The following COL4A1 variants were observed in gnomAD, a reference collection of about 807,000 sequenced individuals.
COL4A1 encodes collagen type IV alpha 1 chain, also known as collagen alpha-1(IV) chain.
In COL4A1, 40 loss-of-function variants were observed where a neutral mutation model predicts 216.6. That is an observed-to-expected ratio of 0.18 (90% CI 0.14 to 0.24). The LOEUF (loss-of-function observed/expected upper bound fraction) is 0.24, where lower values mean the gene tolerates loss of function less well. Among genes scored for constraint, COL4A1 ranks in the 10% least tolerant of loss-of-function variants. The pLI is 1.00. For synonymous variants in COL4A1, 839 were observed against 810.7 expected (o/e 1.03, Z -0.59); for missense variants, 1,628 against 2,196.8 (o/e 0.74, Z 5.18).
chr13:110,155,269 C>T lies in COL4A1; in HGVS notation c.4755+14G>A. 6.3e-7 allele frequency: 1 copy of T among 1,597,988 alleles called. No homozygotes were observed. The highest frequency in any genetic ancestry group is 8.6e-7 in the Non-Finnish European group (1 of 1,165,222). ...GCTCTTCCCGGGAAATATGGCGTCT[C>T]CCCAGACACTTACCATCACAAAAGA... On this transcript the variant is annotated intron_variant, in intron 50 of 51. Coordinates refer to ENST00000375820, the MANE Select transcript of COL4A1 (RefSeq NM_001845.6).
chr13:110,256,151 A>T (rs1345543198), intron 1 of COL4A1, among the ~76,000 whole-genome samples: 1 of 152,126 alleles, frequency 6.6e-6, no homozygotes, highest in East Asian at 1.9e-4. Context: ...CTCCCCATGA[A>T]ATCTCCGGCT....
chr13:110,293,789 T>G (rs915543646), intron 1 of COL4A1, among the ~76,000 whole-genome samples: 2 of 152,208 alleles, frequency 1.3e-5, no homozygotes, highest in Non-Finnish European at 2.9e-5. Context: ...TTTCCCTTAT[T>G]AACAGCGTGT....
rs192343667 is a variant in COL4A1 at position 110,160,991 on chromosome 13, G to A, written c.4640+201C>T. 5.2e-4 allele frequency: 334 copies of A among 648,116 alleles called. 1 individual carries two copies. Among genetic ancestry groups the A allele is most frequent in the Middle Eastern group, 1.3e-3 (3 of 2,304 alleles). The allele number at this position is 648,116 out of a possible 1,614,324, so 40.1% of individuals were successfully genotyped here. A position where few individuals can be genotyped will look rare whatever the true frequency, so the allele number is the denominator to read the frequency against. ...CCCAAAGTGTTGGGATTACGGGCAT[G>A]AGCCACTGTGCCCAGCCAACTGACT... is the stretch of plus-strand genomic sequence containing the variant. On this transcript the variant is annotated intron_variant, in intron 49 of 51. Transcript: ENST00000375820.
chr13:110,174,117 GT>G, intron 39 of COL4A1, 119 bp from the exon 40 acceptor site: 1 of 1,137,250 alleles, frequency 8.8e-7, no homozygotes, highest in South Asian at 1.3e-5. Flanking sequence ...AGCACACCTG[GT>G]TTTCCTGAGG....
rs192101507 is a variant in COL4A1, at chr13:110,202,277, C to G, written c.1000-755G>C. On this transcript the variant is annotated intron_variant, in intron 18 of 51. Transcript: ENST00000375820. Reference sequence around the variant, plus strand: ...AAAAAAGTAGGCGCTTCCTTAAGGTCGCAAGACAAGAAGAGGCACTTTCGG... The same window carrying G: ...AAAAAAGTAGGCGCTTCCTTAAGGTGGCAAGACAAGAAGAGGCACTTTCGG... 5.5e-3 allele frequency among the ~76,000 whole-genome samples: 821 copies of G among 150,538 alleles called. 8 individuals carry two copies. Among genetic ancestry groups the G allele is most frequent in the African/African-American group, 0.018 (756 of 40,932 alleles).
Position 110,281,989 on chromosome 13 carries a change from G to A in COL4A1, c.84+24955C>T, listed in dbSNP as rs141030838. Reference sequence around the variant, plus strand: ...AGCTCCCTTCAGTTTTCCTGGCTGCGTGTCCTCGCCTCACCTTAGGGCCTG... The same window carrying A: ...AGCTCCCTTCAGTTTTCCTGGCTGCATGTCCTCGCCTCACCTTAGGGCCTG... On this transcript the variant is annotated intron_variant, in intron 1 of 51. Transcript: ENST00000375820. Among the ~76,000 whole-genome samples, 74 of 152,248 alleles carry A rather than the reference G, an allele frequency of 4.9e-4. 1 individual carries two copies. In the East Asian group the frequency reaches 0.012, roughly 25 times the overall value.
chr13:110,269,583 T>A (rs1883167672), intron 1 of COL4A1, among the ~76,000 whole-genome samples: 1 of 152,054 alleles, frequency 6.6e-6, no homozygotes, highest in African/African-American at 2.4e-5. Context: ...ACTAGGCATA[T>A]AAAAGTTAAG....
chr13:110,256,744 C>CGGG (rs67359604), intron 1 of COL4A1, among the ~76,000 whole-genome samples: 20 of 151,926 alleles, frequency 1.3e-4, no homozygotes, highest in African/African-American at 4.4e-4. Flanking sequence ...AGACCGGCGG[C>CGGG]GGGGGGGTCT....
At chr13:110,289,758 T>C (rs1037109398) in intron 1 of COL4A1, among the ~76,000 whole-genome samples, 2 of 152,184 alleles carry the variant, frequency 1.3e-5, no homozygotes. Context: ...TCCTGATGCA[T>C]GGAAAACTCA....
intron 1 of COL4A1, among the ~76,000 whole-genome samples, chr13:110,291,127 G>A (rs1036807972): frequency 6.6e-6 from 1 of 152,188 alleles, no homozygotes; most frequent in Non-Finnish European, 1.5e-5. Context: ...GAACACTGGG[G>A]CTTCCCCTCC....
chr13:110,277,961 T>G (rs1883489325), intron 1 of COL4A1, among the ~76,000 whole-genome samples: 1 of 152,236 alleles, frequency 6.6e-6, no homozygotes, highest in Non-Finnish European at 1.5e-5. Context: ...GATGAAAGTT[T>G]CTAAAAAATT....
chr13:110,253,616 A>G (rs1360358107), intron 1 of COL4A1, among the ~76,000 whole-genome samples: 1 of 144,966 alleles, frequency 6.9e-6, no homozygotes, highest in East Asian at 2.0e-4. Context: ...TGTATTACAT[A>G]TACTTATAAT....
intron 45 of COL4A1, 63 bp from the exon 46 acceptor site, chr13:110,165,053 T>C: frequency 6.4e-7 from 1 of 1,571,878 alleles, no homozygotes. Context: ...GAAACAACTT[T>C]AGAAGGAGAA....
chr13:110,163,503 G>C lies in COL4A1; in HGVS notation c.4209C>G (p.Ala1403=), dbSNP rs1877181993. 1.9e-6 allele frequency: 3 copies of C among 1,614,094 alleles called. No individual in the cohort carries two copies. The highest frequency in any genetic ancestry group is 1.3e-5 in the African/African-American group (1 of 75,002). The change falls in exon 47 of 52, where the codon GCC becomes GCG. Residue 1403 remains alanine (A), a synonymous_variant. Transcript: ENST00000375820. ...GTCCCATCTCTCCTTTCTGGCCAGG[G>C]GCACCGTCAAACCCAGGAATACCTG... ...GPPGIPGFDG[A]PGQKGEMGPA...
In COL4A1 at chr13:110,211,293, C is replaced by T. The variant is rs1206785791; in HGVS notation, c.468+354G>A. ...GCCGAGCCCCAAGACATCAACACCC[C>T]GCCTGGGAAAAGCTGCCCCAGGTTC... On this transcript the variant is annotated intron_variant, in intron 8 of 51. Coordinates refer to ENST00000375820, the MANE Select transcript of COL4A1 (RefSeq NM_001845.6). The surrounding 1 kb of genome is among the most constrained non-coding windows in gnomAD (Gnocchi z 4.3). Among the ~76,000 whole-genome samples the T allele has an allele frequency of 6.6e-6, 1 of 152,198 alleles. No individual in the cohort carries two copies. The highest frequency in any genetic ancestry group is 1.9e-4 in the East Asian group (1 of 5,196).
intron 1 of COL4A1, among the ~76,000 whole-genome samples, chr13:110,264,207 G>A (rs74126133): frequency 0.025 from 3,870 of 152,222 alleles, 169 homozygotes; most frequent in African/African-American, 0.088. Context: ...TCAAAGGACC[G>A]CAGACTCTGG....
intron 26 of COL4A1, among the ~76,000 whole-genome samples, chr13:110,186,070 G>A (rs1232134772): frequency 6.6e-6 from 1 of 152,210 alleles, no homozygotes; most frequent in Non-Finnish European, 1.5e-5. Flanking sequence ...AAATGGGTAA[G>A]GAGAGGAAAA....
At chr13:110,281,250 C>A (rs1166666901) in intron 1 of COL4A1, among the ~76,000 whole-genome samples, 1 of 152,220 alleles carries the variant, frequency 6.6e-6, no homozygotes, top group African/African-American at 2.4e-5. Context: ...CTAACCTCCC[C>A]CCGCCATCTC....
rs759151631 is a variant in COL4A1 at position 110,173,889 on chromosome 13, T to C, written c.3505+11A>G. The C allele has an allele frequency of 3.7e-6, 6 of 1,614,092 alleles. No individual in the cohort carries two copies. The highest frequency in any genetic ancestry group is 5.1e-6 in the Non-Finnish European group (6 of 1,179,988). ...GCTGATTCTGATAGGGAATGGGGCG[T>C]TGGGCCATACCTGGTTCACCCTTCT... On this transcript the variant is annotated intron_variant, in intron 40 of 51. Transcript: ENST00000375820.
Sources: allele counts gnomAD v4.1 joint callset (sites outside exome capture counted in the v4.1 genomes callset), GRCh38; gene constraint gnomAD v4.1.1; non-coding constraint Gnocchi (gnomAD v3.1); transcripts MANE v1.5; gene names NCBI Gene and HGNC (gene_info 2026-07-23, HGNC 2026-07-21).